Variants in MAP2K7 observed in about 807,000 individuals in gnomAD.
The protein encoded by MAP2K7 is mitogen-activated protein kinase kinase 7.
Under a neutral mutation model 47.7 loss-of-function variants are expected in MAP2K7, and 12 were observed. The ratio of observed to expected loss-of-function variants is 0.25; its 90% confidence interval spans 0.16 to 0.41. MAP2K7 has a LOEUF of 0.41. Among genes scored for constraint, MAP2K7 ranks in the 10% least tolerant of loss-of-function variants. The pLI is 1.00. For synonymous variants in MAP2K7, 299 were observed against 243.0 expected, an observed-to-expected ratio of 1.23 and a Z score of -2.14; for missense variants, 415 against 600.3, an observed-to-expected ratio of 0.69 and a Z score of 3.23.
At chr19:7,910,954 A>T (rs368658006) in intron 6 of MAP2K7, 26 bp from the exon 7 acceptor site, 2 of 1,599,952 alleles carry the variant, frequency 1.3e-6, no homozygotes, top group Non-Finnish European at 1.7e-6. Flanking sequence ...CCCCTGCCAC[A>T]TGCACCCCCC....
At chr19:7,904,176 T>A in intron 1 of MAP2K7, 108 bp downstream of exon 1, 2 of 898,464 alleles carry the variant, frequency 2.2e-6, no homozygotes, top group Non-Finnish European at 2.8e-6. Flanking sequence ...GGGCGCTCGC[T>A]CTCCTCTCCG....
In MAP2K7 at chr19:7,911,067, G is replaced by T; in HGVS notation, c.763G>T (p.Gly255Cys). ...CTCCAACATCCTGCTGGACGAGCGG[G>T]GCCAGATCAAGCTCTGCGACTTCGG... ...KPSNILLDER[G>C]QIKLCDFGIS... Residue 255 changes from glycine to cysteine, a missense_variant, in exon 7 of 11, where the codon GGC becomes TGC. Physicochemically the swap from Gly to Cys is radical, Grantham distance 159. Around this residue, in one of 3 missense-constraint regions of MAP2K7, gnomAD observed 206 missense variants for 368.8 expected, o/e 0.56. Coordinates refer to ENST00000397979, the MANE Select transcript of MAP2K7 (RefSeq NM_145185.4). 1 of 1,612,710 alleles carries T rather than the reference G, an allele frequency of 6.2e-7. No individual in the cohort carries two copies. The highest frequency in any genetic ancestry group is 8.5e-7 in the Non-Finnish European group (1 of 1,179,902).
In MAP2K7 at chr19:7,903,930, G is replaced by A; in HGVS notation, c.-15G>A. ...GGCGGCCGGGCGGTGCGCGGCGGCG[G>A]TGGCGGCGGGGAAGATGGCGGCGTC... is the stretch of plus-strand genomic sequence containing the variant. On this transcript the variant is annotated 5_prime_UTR_variant, in exon 1 of 11. It adds an upstream start codon to the 5' untranslated region. Transcript: ENST00000397979. The A allele has an allele frequency of 6.6e-7, 1 of 1,512,408 alleles. No homozygotes were observed. Among genetic ancestry groups the A allele is most frequent in the Non-Finnish European group, 8.8e-7 (1 of 1,129,962 alleles). 93.7% of individuals were successfully genotyped at this position (1,512,408 alleles called of 1,614,324 possible). A position where few individuals can be genotyped will look rare whatever the true frequency, so the allele number is the denominator to read the frequency against.
rs41285786 is a variant in MAP2K7, at chr19:7,912,443, C to T, written c.*12C>T. ...CCTTCTTCAGGTAGCTGCTTGGCGG[C>T]GGCCAGCCCCACAGGGGGCCAGGGG... On this transcript the variant is annotated 3_prime_UTR_variant, in exon 11 of 11. Coordinates refer to ENST00000397979, the MANE Select transcript of MAP2K7 (RefSeq NM_145185.4). 246 of 1,605,876 alleles carry T rather than the reference C, an allele frequency of 1.5e-4. 1 individual carries two copies. In the African/African-American group the frequency reaches 2.1e-3, roughly 14 times the overall value.
Position 7,913,331 on chromosome 19 carries a change from C to T in MAP2K7, c.*900C>T, listed in dbSNP as rs187462044. 872 of 152,890 alleles carry T rather than the reference C, an allele frequency of 5.7e-3. 6 individuals carry two copies. The highest frequency in any genetic ancestry group is 0.017 in the South Asian group (83 of 4,828). The allele number at this position is 152,890 out of a possible 1,614,324, so 9.5% of individuals were successfully genotyped here. A position where few individuals can be genotyped will look rare whatever the true frequency, so the allele number is the denominator to read the frequency against. Reference sequence around the variant, plus strand: ...ACCTCAGGGGATGTGGAGGGGTCTGCGGGGCCCTGGCCGCACAGGATGGCC... The same window carrying T: ...ACCTCAGGGGATGTGGAGGGGTCTGTGGGGCCCTGGCCGCACAGGATGGCC... On this transcript the variant is annotated 3_prime_UTR_variant, in exon 11 of 11. Coordinates refer to ENST00000397979, the MANE Select transcript of MAP2K7 (RefSeq NM_145185.4).
At position 7,912,435 on chromosome 19, in the gene MAP2K7, C is replaced by T; in HGVS notation, c.*4C>T. 6.2e-7 allele frequency: 1 copy of T among 1,609,000 alleles called. No homozygotes were observed. The highest frequency in any genetic ancestry group is 8.5e-7 in the Non-Finnish European group (1 of 1,179,218). On this transcript the variant is annotated 3_prime_UTR_variant, in exon 11 of 11. Transcript: ENST00000397979. ...CCACCTGCCCTTCTTCAGGTAGCTG[C>T]TTGGCGGCGGCCAGCCCCACAGGGG...
rs1282436315 is a variant in MAP2K7 at position 7,913,030 on chromosome 19, G to A, written c.*599G>A. On this transcript the variant is annotated 3_prime_UTR_variant, in exon 11 of 11. Transcript: ENST00000397979. ...GGCATTGCCACTGCGGCTGGACGGG[G>A]CTGCGCGCTCGCGCTCTCTCTCTCT... 1 of 148,986 alleles carries A rather than the reference G, an allele frequency of 6.7e-6. No individual in the cohort carries two copies. Among genetic ancestry groups the A allele is most frequent in the Admixed American group, 6.5e-5 (1 of 15,404 alleles). The allele number at this position is 148,986 out of a possible 1,614,324, so 9.2% of individuals were successfully genotyped here.
rs1269356349 is a variant in MAP2K7 at position 7,912,746 on chromosome 19, G to A, written c.*315G>A. 13 of 415,370 alleles carry A rather than the reference G, an allele frequency of 3.1e-5. 1 individual carries two copies. Among genetic ancestry groups the A allele is most frequent in the South Asian group, 1.1e-4 (4 of 37,380 alleles). 25.7% of individuals were successfully genotyped at this position (415,370 alleles called of 1,614,324 possible). A position where few individuals can be genotyped will look rare whatever the true frequency, so the allele number is the denominator to read the frequency against. On this transcript the variant is annotated 3_prime_UTR_variant, in exon 11 of 11. Transcript: ENST00000397979. ...CCGGGGCGGCCCCCAGGGGCCAGGA[G>A]AGAGCCCTGGAGTCCCGCAGCCACC...
chr19:7,909,661 T>G, intron 1 of MAP2K7, 94 bp from the exon 2 acceptor site: 1 of 684,700 alleles, frequency 1.5e-6, no homozygotes, highest in South Asian at 1.8e-5. Context: ...GAGGGGAAGG[T>G]GAGGGTCCCG....
intron 9 of MAP2K7, among the ~76,000 whole-genome samples, chr19:7,911,814 T>C (rs1599629273): frequency 6.6e-6 from 1 of 152,286 alleles, no homozygotes; most frequent in East Asian, 1.9e-4. Flanking sequence ...GGGGTGGCTG[T>C]TGGAGATTGT....
In MAP2K7 at chr19:7,911,479, C is replaced by T. The variant is rs1982866078; in HGVS notation, c.980C>T (p.Thr327Met). 6.2e-7 allele frequency: 1 copy of T among 1,613,522 alleles called. No individual in the cohort carries two copies. Among genetic ancestry groups the T allele is most frequent in the Non-Finnish European group, 8.5e-7 (1 of 1,179,944 alleles). The change falls in exon 9 of 11, where the codon ACG becomes ATG. Residue 327 changes from threonine to methionine, a missense_variant. Around this residue, in one of 3 missense-constraint regions of MAP2K7, gnomAD observed 206 missense variants for 368.8 expected, o/e 0.56. Transcript: ENST00000397979. ...TGQFPYKNCK[T>M]DFEVLTKVLQ... Reference sequence around the variant, plus strand: ...CAGTTTCCCTACAAGAACTGCAAGACGGACTTTGAGGTCCTCACCAAAGTC... The same window carrying T: ...CAGTTTCCCTACAAGAACTGCAAGATGGACTTTGAGGTCCTCACCAAAGTC...
At position 7,909,767 on chromosome 19, in the gene MAP2K7, C is replaced by T. The variant is rs967433524; in HGVS notation, c.137C>T (p.Pro46Leu). ...PQRPRPTLQL[P>L]LANDGGSRSP... ...CTCACCCCCCTAGCCCTGCAGCTCC[C>T]GCTGGCCAACGATGGGGGCAGCCGC... The change falls in exon 2 of 11, where the codon CCG (proline) becomes CTG (leucine). Residue 46 changes from proline to leucine, a missense_variant. Coordinates refer to ENST00000397979, the MANE Select transcript of MAP2K7 (RefSeq NM_145185.4). 40 of 1,541,588 alleles carry T rather than the reference C, an allele frequency of 2.6e-5. No individual in the cohort carries two copies. Among genetic ancestry groups the T allele is most frequent in the Non-Finnish European group, 3.1e-5 (35 of 1,145,970 alleles).
Position 7,911,096 on chromosome 19 carries a change from C to T in MAP2K7, c.792C>T (p.Ile264=). The T allele has an allele frequency of 6.2e-7, 1 of 1,612,544 alleles. No individual in the cohort carries two copies. Among genetic ancestry groups the T allele is most frequent in the Non-Finnish European group, 8.5e-7 (1 of 1,179,864 alleles). The change falls in exon 7 of 11, where the codon ATC becomes ATT. Residue 264 remains isoleucine (I), a synonymous_variant. Coordinates refer to ENST00000397979, the MANE Select transcript of MAP2K7 (RefSeq NM_145185.4). ...AGATCAAGCTCTGCGACTTCGGCAT[C>T]AGCGGCCGCCTGGTGGACTCCAAAG... The part of the protein sequence containing the change: ...RGQIKLCDFG[I]SGRLVDSKAK...
Position 7,910,559 on chromosome 19 carries a change from C to T in MAP2K7, c.554C>T (p.Thr185Met), listed in dbSNP as rs776342808. 5 of 1,613,650 alleles carry T rather than the reference C, an allele frequency of 3.1e-6. No individual in the cohort carries two copies. The highest frequency in any genetic ancestry group is 1.1e-5 in the South Asian group (1 of 91,088). ...DCPYIVQCFGTFITNTDVFIA... is the reference protein window; with the variant it reads ...DCPYIVQCFGMFITNTDVFIA... ...CCCTACATCGTGCAGTGCTTTGGGA[C>T]GTTCATCACCAACGTGAGTACCTGG... Residue 185 changes from threonine to methionine, a missense_variant, in exon 5 of 11, where the codon ACG (threonine) becomes ATG (methionine). Thr to Met is a moderately conservative substitution (Grantham distance 81). Coordinates refer to ENST00000397979, the MANE Select transcript of MAP2K7 (RefSeq NM_145185.4).
chr19:7,905,999 C>A (rs1982426977), intron 1 of MAP2K7: 1 of 772,084 alleles, frequency 1.3e-6, no homozygotes, highest in African/African-American at 1.7e-5. Context: ...CTCTCTCACT[C>A]CACTCAAGCA....
At chr19:7,906,077 C>G in intron 1 of MAP2K7, 1 of 582,546 alleles carries the variant, frequency 1.7e-6, no homozygotes, top group Non-Finnish European at 3.1e-6. Context: ...CCCAGCTCCA[C>G]TTTGGACTCC....
chr19:7,910,851 G>A, intron 6 of MAP2K7, 48 bp downstream of exon 6: 1 of 1,573,668 alleles, frequency 6.4e-7, no homozygotes, highest in Non-Finnish European at 8.7e-7. Context: ...CAGAGGCGGT[G>A]AGTGACCAGG....
At chr19:7,912,010 T>C (rs1982907573) in intron 9 of MAP2K7, 139 bp from the exon 10 acceptor site, 5 of 752,192 alleles carry the variant, frequency 6.6e-6, no homozygotes, top group Non-Finnish European at 1.1e-5. Context: ...TCAGCCGGGG[T>C]CCTGAGGACA....
intron 1 of MAP2K7, chr19:7,904,334 G>C (rs995501793): frequency 9.3e-5 from 20 of 215,262 alleles, no homozygotes; most frequent in Middle Eastern, 9.2e-4. Context: ...CGCCCCCATC[G>C]CCGTGATCCT....
Sources: gnomAD v4.1 joint callset for allele counts (sites outside exome capture counted in the v4.1 genomes callset) on GRCh38, gnomAD v4.1.1 for gene constraint, gnomAD v4.1.1 regional missense constraint, MANE v1.5 for transcripts, NCBI Gene and HGNC (gene_info 2026-07-23, HGNC 2026-07-21) for gene names.